Variants in SIGLEC5 observed in about 807,000 individuals in gnomAD.
The protein encoded by SIGLEC5 is sialic acid binding Ig like lectin 5.
Under a neutral mutation model 45.9 loss-of-function variants are expected in SIGLEC5, and 34 were observed. The ratio of observed to expected loss-of-function variants is 0.74; its 90% CI spans 0.56 to 0.99. The LOEUF (loss-of-function observed/expected upper bound fraction) is 0.99. SIGLEC5 is among the 50% of genes least tolerant of loss of function. The pLI, the probability that SIGLEC5 is intolerant of heterozygous loss-of-function variation, is 0.00. For synonymous variants in SIGLEC5, 203 were observed against 258.6 expected, an observed-to-expected ratio of 0.79 and a Z score of 2.06; for missense variants, 508 against 629.6, an observed-to-expected ratio of 0.81 and a Z score of 2.07.
At position 51,626,009 on chromosome 19, in the gene SIGLEC5, G is replaced by A. The variant is rs992134137; in HGVS notation, c.1464+23C>T. On this transcript the variant is annotated intron_variant, in intron 8 of 8. Coordinates refer to ENST00000683636, the MANE Select transcript of SIGLEC5 (RefSeq NM_003830.4). ...GGACTTTCCGAGTGGACATGCACAT[G>A]AGAAGATCCCCAAACCACTCACCGA... is the stretch of plus-strand genomic sequence containing the variant. The A allele has an allele frequency of 3.7e-6, 6 of 1,600,948 alleles. No individual in the cohort carries two copies. In the African/African-American group the frequency reaches 4.0e-5, roughly 11 times the overall value.
intron 8 of SIGLEC5, among the ~76,000 whole-genome samples, chr19:51,624,585 A>T (rs542087408): frequency 1.4e-4 from 21 of 152,286 alleles, no homozygotes; most frequent in Admixed American, 1.4e-3. Context: ...GATCAATTTT[A>T]TAAAAGAGGA....
intron 8 of SIGLEC5, among the ~76,000 whole-genome samples, chr19:51,617,835 T>C (rs531141171): frequency 2.0e-4 from 31 of 152,042 alleles, no homozygotes; most frequent in South Asian, 4.1e-4. Context: ...AAATGCTAAG[T>C]ATGTTCATAA....
At chr19:51,624,869 C>T (rs1316353970) in intron 8 of SIGLEC5, among the ~76,000 whole-genome samples, 1 of 152,108 alleles carries the variant, frequency 6.6e-6, no homozygotes, top group Non-Finnish European at 1.5e-5. Context: ...GAGGCTGAGG[C>T]AGGAGAATTG....
chr19:51,629,797 A>G (rs372451926), intron 2 of SIGLEC5, 36 bp downstream of exon 2: 32 of 1,312,674 alleles, frequency 2.4e-5, no homozygotes, highest in Admixed American at 1.1e-4. Context: ...GGGGGTCTCC[A>G]CGTCCCAGGG....
rs78032490 is a variant in SIGLEC5, at chr19:51,610,997, G to T, written c.*1234C>A. Among the ~76,000 whole-genome samples the T allele has an allele frequency of 2.0e-5, 3 of 151,988 alleles. No individual in the cohort carries two copies. The highest frequency in any genetic ancestry group is 2.9e-5 in the Non-Finnish European group (2 of 68,002). On this transcript the variant is annotated 3_prime_UTR_variant, in exon 9 of 9. Transcript: ENST00000683636. ...AAGATTTTATTATTTTCAACACAAGGCTTGATCAAAATTATCTAACCTGTC... is the reference window on the plus strand; with the variant it reads ...AAGATTTTATTATTTTCAACACAAGTCTTGATCAAAATTATCTAACCTGTC...
intron 8 of SIGLEC5, among the ~76,000 whole-genome samples, chr19:51,615,618 G>A (rs867071363): frequency 6.6e-6 from 1 of 152,318 alleles, no homozygotes. Flanking sequence ...CCCAGGGCTG[G>A]TGGATCACAA....
chr19:51,627,098 T>A (rs373725250), intron 7 of SIGLEC5, 51 bp downstream of exon 7: 8 of 1,412,708 alleles, frequency 5.7e-6, no homozygotes, highest in Non-Finnish European at 8.0e-6. Flanking sequence ...ATTCAGTCTC[T>A]CCTACTCCCT....
intron 8 of SIGLEC5, among the ~76,000 whole-genome samples, chr19:51,624,648 A>C (rs1600102840): frequency 6.6e-6 from 1 of 152,136 alleles, no homozygotes; most frequent in African/African-American, 2.4e-5. Flanking sequence ...GGGGCTAAAG[A>C]AGCCCCAGCC....
chr19:51,612,202 C>A lies in SIGLEC5; in HGVS notation c.*29G>T, dbSNP rs765100402. 6.5e-7 allele frequency: 1 copy of A among 1,537,298 alleles called. No homozygotes were observed. Reference sequence around the variant, plus strand: ...TTCCCCCAGACAGGCTGTGGCTCCTCCAGCCAGGACTGAACTCTGGGCAAA... The same window carrying A: ...TTCCCCCAGACAGGCTGTGGCTCCTACAGCCAGGACTGAACTCTGGGCAAA... On this transcript the variant is annotated 3_prime_UTR_variant, in exon 9 of 9. Coordinates refer to ENST00000683636, the MANE Select transcript of SIGLEC5 (RefSeq NM_003830.4).
At chr19:51,613,073 A>G (rs1982922117) in intron 8 of SIGLEC5, among the ~76,000 whole-genome samples, 1 of 151,926 alleles carries the variant, frequency 6.6e-6, no homozygotes. Context: ...AACAGACCTG[A>G]ACCTCACTTC....
chr19:51,627,505 C>T lies in SIGLEC5; in HGVS notation c.1239G>A (p.Trp413Ter). The T allele has an allele frequency of 6.2e-7, 1 of 1,614,050 alleles. No homozygotes were observed. The highest frequency in any genetic ancestry group is 8.5e-7 in the Non-Finnish European group (1 of 1,180,016). The change falls in exon 6 of 9, where the codon TGG becomes TGA. Residue 413 changes from tryptophan (W) to a stop codon, truncating the protein, a stop_gained. Transcript: ENST00000683636. LOFTEE classifies it high-confidence loss of function. ...SSDLKVSCKA[W>*]NIYGSQSGSV... ...AGCCGCTCTGGGACCCATAGATGTT[C>T]CAGGCCTTGCAGCTGACTTTGAGGT...
chr19:51,615,633 A>G (rs184356644), intron 8 of SIGLEC5, among the ~76,000 whole-genome samples: 4 of 152,314 alleles, frequency 2.6e-5, no homozygotes, highest in African/African-American at 7.2e-5. Flanking sequence ...TCACAATGCA[A>G]CGAGAGTCCT....
chr19:51,628,920 C>T, intron 4 of SIGLEC5, 118 bp downstream of exon 4: 2 of 1,008,748 alleles, frequency 2.0e-6, no homozygotes, highest in Non-Finnish European at 3.0e-6. Context: ...AGCCAGAAGG[C>T]AGTAATTCTC....
At chr19:51,626,221 C>G in intron 7 of SIGLEC5, 108 bp from the exon 8 acceptor site, 2 of 837,404 alleles carry the variant, frequency 2.4e-6, no homozygotes, top group Non-Finnish European at 3.9e-6. Flanking sequence ...CCATCCAGGC[C>G]CCGGAACTAA....
chr19:51,629,113 A>G (rs752378565), intron 3 of SIGLEC5, 37 bp from the exon 4 acceptor site: 2 of 1,610,438 alleles, frequency 1.2e-6, no homozygotes, highest in East Asian at 2.2e-5. Flanking sequence ...TTCAGCAGTG[A>G]GGAGTGAGAT....
intron 1 of SIGLEC5, 31 bp downstream of exon 1, chr19:51,630,268 G>A (rs1263711962): frequency 1.5e-6 from 1 of 674,080 alleles, no homozygotes; most frequent in African/African-American, 2.8e-5. Flanking sequence ...TCTCACCCCT[G>A]TGCCTGTCCC....
chr19:51,613,787 C>T (rs1035940017), intron 8 of SIGLEC5, among the ~76,000 whole-genome samples: 5 of 152,006 alleles, frequency 3.3e-5, no homozygotes, highest in East Asian at 3.9e-4. Context: ...TAATACATGG[C>T]GAGGCCAGGA....
At chr19:51,615,502 T>C (rs757412442) in intron 8 of SIGLEC5, among the ~76,000 whole-genome samples, 1 of 152,096 alleles carries the variant, frequency 6.6e-6, no homozygotes, top group Non-Finnish European at 1.5e-5. Flanking sequence ...CCAACAGGCA[T>C]GTGTTGGGTA....
At chr19:51,612,607 A>G (rs1371872246) in intron 8 of SIGLEC5, among the ~76,000 whole-genome samples, 185 bp from the exon 9 acceptor site, 3 of 152,212 alleles carry the variant, frequency 2.0e-5, no homozygotes, top group Admixed American at 1.3e-4. Flanking sequence ...CAGTTCCCCA[A>G]GGTGGTTAAT....
Sources: gnomAD v4.1 joint callset for allele counts (sites outside exome capture counted in the v4.1 genomes callset) on GRCh38, gnomAD v4.1.1 for gene constraint, MANE v1.5 for transcripts, NCBI Gene and HGNC (gene_info 2026-07-23, HGNC 2026-07-21) for gene names.